Variants in NFIB observed in about 807,000 individuals in gnomAD.
The protein encoded by NFIB is nuclear factor I B.
In NFIB, 11 loss-of-function variants were observed where a neutral mutation model predicts 61.5. The ratio of observed to expected loss-of-function variants is 0.18; its 90% CI spans 0.11 to 0.30. The LOEUF (loss-of-function observed/expected upper bound fraction) is 0.30. Ranked by LOEUF, NFIB falls within the 10% of genes least tolerant of loss-of-function variation. The pLI is 1.00. For missense variants in NFIB, 471 were observed against 608.9 expected, an observed-to-expected ratio of 0.77 and a Z score of 2.38; for synonymous variants, 260 against 216.5, an observed-to-expected ratio of 1.20 and a Z score of -1.76.
chr9:14,311,230 C>G (rs1318998394), intron 1 of NFIB, among the ~76,000 whole-genome samples: 1 of 151,884 alleles, frequency 6.6e-6, no homozygotes, highest in Non-Finnish European at 1.5e-5. Context: ...ACCTAGATAC[C>G]TTATTGCAAC....
intron 2 of NFIB, among the ~76,000 whole-genome samples, chr9:14,200,206 A>G (rs2048882673): frequency 6.6e-6 from 1 of 152,210 alleles, no homozygotes; most frequent in Non-Finnish European, 1.5e-5. Flanking sequence ...TCTCCTCCTT[A>G]AAATATAGTA....
At chr9:14,356,323 G>C (rs1489954531) in intron 1 of NFIB, among the ~76,000 whole-genome samples, 2 of 152,192 alleles carry the variant, frequency 1.3e-5, no homozygotes, top group Non-Finnish European at 2.9e-5. Flanking sequence ...ACATGAGCTA[G>C]TGTGGCTCGG....
chr9:14,509,076 A>C, the NFIB span, among the ~76,000 whole-genome samples: 1 of 152,158 alleles, frequency 6.6e-6, no homozygotes, highest in Admixed American at 6.5e-5. Flanking sequence ...TCCTAAAATG[A>C]GTTGTTTCAT....
chr9:14,375,428 T>C (rs952045829), intron 1 of NFIB, among the ~76,000 whole-genome samples: 1 of 152,108 alleles, frequency 6.6e-6, no homozygotes, highest in Non-Finnish European at 1.5e-5. Flanking sequence ...GAGGCCAAGG[T>C]GGGTGGATCA....
intron 2 of NFIB, among the ~76,000 whole-genome samples, chr9:14,243,342 A>C (rs1194507913): frequency 6.6e-6 from 1 of 152,228 alleles, no homozygotes; most frequent in African/African-American, 2.4e-5. Context: ...AATATTCTGC[A>C]TCATAAGGCA....
intron 2 of NFIB, among the ~76,000 whole-genome samples, chr9:14,301,490 T>C (rs2059749062): frequency 6.6e-6 from 1 of 152,204 alleles, no homozygotes. Context: ...CAACCTTTGC[T>C]GCCTCCAGAA....
In NFIB at chr9:14,262,870, C is replaced by A. The variant is rs1043989190; in HGVS notation, c.562+44119G>T. ...CAAGTTTTGAGATGTAGCTGTTTCTCTGGTCCTTTTTCTAGTAAAAGGCTC... is the reference window on the plus strand; with the variant it reads ...CAAGTTTTGAGATGTAGCTGTTTCTATGGTCCTTTTTCTAGTAAAAGGCTC... On this transcript the variant is annotated intron_variant, in intron 2 of 10. Coordinates refer to ENST00000380953, the MANE Select transcript of NFIB (RefSeq NM_001190737.2). Among the ~76,000 whole-genome samples the A allele has an allele frequency of 6.6e-5, 10 of 152,218 alleles. No homozygotes were observed. The East Asian group carries it at 1.4e-3, about 21-fold the overall frequency.
At chr9:14,436,297 G>A in the NFIB span, among the ~76,000 whole-genome samples, 9,249 of 152,266 alleles carry the variant, frequency 0.061, 420 homozygotes, top group South Asian at 0.16. Flanking sequence ...AATCTTAGGT[G>A]AACATCACTC....
intron 3 of NFIB, 53 bp from the exon 4 acceptor site, chr9:14,155,946 A>C: frequency 8.8e-7 from 1 of 1,131,138 alleles, no homozygotes; most frequent in Admixed American, 2.3e-5. Flanking sequence ...AAGTAAAATA[A>C]ATGATTATAC....
chr9:14,391,449 G>A (rs1023616772), intron 1 of NFIB, among the ~76,000 whole-genome samples: 2 of 86,014 alleles, frequency 2.3e-5, no homozygotes, highest in Non-Finnish European at 4.8e-5. Flanking sequence ...ACCAGGGAAA[G>A]GCAGTCTCCC....
chr9:14,109,848 A>G (rs1485011181), intron 10 of NFIB, among the ~76,000 whole-genome samples: 1 of 152,072 alleles, frequency 6.6e-6, no homozygotes, highest in Non-Finnish European at 1.5e-5. Context: ...CAAATGAGAT[A>G]TATTTTCAGT....
intron 10 of NFIB, 74 bp from the exon 11 acceptor site, chr9:14,088,400 G>A: frequency 2.2e-6 from 3 of 1,342,752 alleles, no homozygotes; most frequent in Non-Finnish European, 2.9e-6. Flanking sequence ...ACAACAATAT[G>A]AGAAATATAA....
At chr9:14,464,611 C>T in the NFIB span, among the ~76,000 whole-genome samples, 1 of 152,120 alleles carries the variant, frequency 6.6e-6, no homozygotes, top group Non-Finnish European at 1.5e-5. Flanking sequence ...GAATTGGCCT[C>T]AGGGGTGAGA....
chr9:14,384,249 C>G (rs925249771), intron 1 of NFIB, among the ~76,000 whole-genome samples: 1 of 152,158 alleles, frequency 6.6e-6, no homozygotes, highest in Non-Finnish European at 1.5e-5. Flanking sequence ...CCTTCCCCAC[C>G]CAAGTTGTGC....
chr9:14,444,096 T>TA, the NFIB span, among the ~76,000 whole-genome samples: 10 of 152,352 alleles, frequency 6.6e-5, no homozygotes, highest in South Asian at 2.1e-3. Flanking sequence ...TTCATGGCCC[T>TA]AATCATGCGA....
chr9:14,150,067 C>T lies in NFIB; in HGVS notation c.806+78G>A, dbSNP rs1225538309. On this transcript the variant is annotated intron_variant, in intron 5 of 10. Coordinates refer to ENST00000380953, the MANE Select transcript of NFIB (RefSeq NM_001190737.2). ...TTTCCCATCTCTCTTTACCTACCTACCTATCTATCTGCCTATCATCCACCT... is the reference window on the plus strand; with the variant it reads ...TTTCCCATCTCTCTTTACCTACCTATCTATCTATCTGCCTATCATCCACCT... 4 of 1,573,326 alleles carry T rather than the reference C, an allele frequency of 2.5e-6. No individual in the cohort carries two copies. In the East Asian group the frequency reaches 6.8e-5, roughly 27 times the overall value.
At chr9:14,471,875 C>G in the NFIB span, among the ~76,000 whole-genome samples, 1 of 152,204 alleles carries the variant, frequency 6.6e-6, no homozygotes, top group Non-Finnish European at 1.5e-5. Flanking sequence ...GAAGAGGCCT[C>G]TGAAGTGATT....
chr9:14,210,297 A>C (rs887001678), intron 2 of NFIB, among the ~76,000 whole-genome samples: 9 of 115,108 alleles, frequency 7.8e-5, no homozygotes, highest in African/African-American at 4.2e-4. Context: ...GGGTATTTAA[A>C]ACATTTTTTG....
At chr9:14,417,117 T>C in the NFIB span, among the ~76,000 whole-genome samples, 2 of 151,580 alleles carry the variant, frequency 1.3e-5, no homozygotes, top group East Asian at 3.9e-4. Context: ...GGTCTTGAAC[T>C]CCTGACCTCG....
Sources: gnomAD v4.1 joint callset for allele counts (sites outside exome capture counted in the v4.1 genomes callset) on GRCh38, gnomAD v4.1.1 for gene constraint, MANE v1.5 for transcripts, NCBI Gene and HGNC (gene_info 2026-07-23, HGNC 2026-07-21) for gene names.